The following UBXN2A variants were observed in gnomAD, a reference collection of about 807,000 sequenced individuals.
UBXN2A encodes UBX domain protein 2A, also known as UBX domain-containing protein 2A.
UBXN2A carries 28 observed loss-of-function variants against 28.4 expected under a neutral mutation model. The observed-to-expected ratio is 0.99, with a 90% CI of 0.73 to 1.35. The LOEUF (loss-of-function observed/expected upper bound fraction) is 1.35, where lower values mean the gene tolerates loss of function less well. UBXN2A is among the 40% of genes most tolerant of loss of function. The pLI is 0.00. For synonymous variants in UBXN2A, 97 were observed against 103.6 expected, an observed-to-expected ratio of 0.94 and a Z score of 0.39; for missense variants, 253 against 297.9, an observed-to-expected ratio of 0.85 and a Z score of 1.11.
intron 3 of UBXN2A, among the ~76,000 whole-genome samples, chr2:23,975,379 A>G (rs1332107187): frequency 1.3e-5 from 2 of 152,162 alleles, no homozygotes; most frequent in Non-Finnish European, 2.9e-5. Flanking sequence ...TTTTCTAACT[A>G]CATAACTGTA....
At position 23,973,122 on chromosome 2, in the gene UBXN2A, C is replaced by G. The variant is rs548923332; in HGVS notation, c.180+1708C>G. ...GCAAGCTCTGTCTCCCAGGTTCAAGCCATTCTCCTGCCTCAGCCTCCCTAA... is the reference window on the plus strand; with the variant it reads ...GCAAGCTCTGTCTCCCAGGTTCAAGGCATTCTCCTGCCTCAGCCTCCCTAA... On this transcript the variant is annotated intron_variant, in intron 3 of 6. Transcript: ENST00000309033. Among the ~76,000 whole-genome samples, 3 of 151,966 alleles carry G rather than the reference C, an allele frequency of 2.0e-5. No homozygotes were observed. In the East Asian group the frequency reaches 5.9e-4, roughly 30 times the overall value.
At position 24,004,232 on chromosome 2, in the gene UBXN2A, AC is replaced by A. The variant is rs2150932864; in HGVS notation, c.*4366del. On this transcript the variant is annotated 3_prime_UTR_variant, in exon 7 of 7. Coordinates refer to ENST00000309033, the MANE Select transcript of UBXN2A (RefSeq NM_181713.4). ...TATCAAAAGAGGTTGACTTTGGAAA[AC>A]AAACAATTTGCTAAGGGAAGGAAAA... 1 of 67,988 alleles carries A rather than the reference AC, an allele frequency of 1.5e-5. No individual in the cohort carries two copies. The highest frequency in any genetic ancestry group is 4.1e-5 in the African/African-American group (1 of 24,210). 4.2% of individuals were successfully genotyped at this position (67,988 alleles called of 1,614,324 possible).
chr2:23,943,785 C>T, intron 1 of UBXN2A: 1 of 237,284 alleles, frequency 4.2e-6, no homozygotes, highest in Non-Finnish European at 8.5e-6. Context: ...ACCACCGTGC[C>T]CAGCTAAAGG....
rs1254226755 is a variant in UBXN2A, at chr2:24,004,827, TA to T, written c.*4963del. 2 of 152,244 alleles carry T rather than the reference TA, an allele frequency of 1.3e-5. No individual in the cohort carries two copies. The highest frequency in any genetic ancestry group is 2.9e-5 in the Non-Finnish European group (2 of 68,048). 9.4% of individuals were successfully genotyped at this position (152,244 alleles called of 1,614,324 possible). ...TATGTGTGCATCTATTTCAGTGCCT[TA>T]AAGTATTTTGAGAGCAATCTTTTGC... On this transcript the variant is annotated 3_prime_UTR_variant, in exon 7 of 7. Transcript: ENST00000309033.
intron 2 of UBXN2A, among the ~76,000 whole-genome samples, chr2:23,970,315 C>G (rs1707361096): frequency 6.6e-6 from 1 of 152,086 alleles, no homozygotes; most frequent in Admixed American, 6.6e-5. Flanking sequence ...ACAAAAACAC[C>G]ACACATTTTC....
chr2:23,967,166 T>A (rs543287224), intron 2 of UBXN2A, among the ~76,000 whole-genome samples: 1 of 152,198 alleles, frequency 6.6e-6, no homozygotes, highest in African/African-American at 2.4e-5. Context: ...CTTATAAACA[T>A]AGACCGTTTC....
chr2:23,981,109 T>A (rs1214792365), intron 4 of UBXN2A, among the ~76,000 whole-genome samples: 2 of 152,024 alleles, frequency 1.3e-5, no homozygotes, highest in East Asian at 3.8e-4. Flanking sequence ...ATGTATACAG[T>A]GGTATTTATT....
In UBXN2A at chr2:23,996,065, A is replaced by ATTT. The variant is rs1019784685; in HGVS notation, c.585-3590_585-3588dup. Among the ~76,000 whole-genome samples, 793 of 114,226 alleles carry ATTT rather than the reference A, an allele frequency of 6.9e-3. 17 individuals are homozygous for ATTT. Among genetic ancestry groups the ATTT allele is most frequent in the African/African-American group, 0.021 (639 of 29,798 alleles). The allele number at this position is 114,226 out of a possible 152,430, so 74.9% of individuals were successfully genotyped here. On this transcript the variant is annotated intron_variant, in intron 6 of 6. Coordinates refer to ENST00000309033, the MANE Select transcript of UBXN2A (RefSeq NM_181713.4). ...AGGTGTGCGTCACCACGCCTGGCTAATTTTTTTTTTTTTTTTTTTGAGTCA... is the reference window on the plus strand; with the variant it reads ...AGGTGTGCGTCACCACGCCTGGCTAATTTTTTTTTTTTTTTTTTTTTTGAGTCA...
chr2:23,975,854 G>A (rs1573582450), intron 3 of UBXN2A, among the ~76,000 whole-genome samples: 1 of 152,118 alleles, frequency 6.6e-6, no homozygotes, highest in East Asian at 1.9e-4. Context: ...TTGAACTCCT[G>A]ACCTCAGGTG....
chr2:23,962,970 A>G (rs762018094), intron 2 of UBXN2A, among the ~76,000 whole-genome samples: 5 of 152,222 alleles, frequency 3.3e-5, no homozygotes, highest in Non-Finnish European at 7.3e-5. Context: ...CAATCATGGC[A>G]GAAGGCAAGG....
intron 6 of UBXN2A, among the ~76,000 whole-genome samples, chr2:23,994,382 A>G (rs1008076945): frequency 6.6e-6 from 1 of 152,096 alleles, no homozygotes; most frequent in African/African-American, 2.4e-5. Context: ...ATTGATGGAA[A>G]TGTTCTCGTA....
chr2:23,967,912 T>A (rs1379232368), intron 2 of UBXN2A, among the ~76,000 whole-genome samples: 1 of 152,002 alleles, frequency 6.6e-6, no homozygotes, highest in Non-Finnish European at 1.5e-5. Context: ...GGCATTTTAG[T>A]AACAATATAG....
Position 24,002,610 on chromosome 2 carries a change from A to G in UBXN2A, c.*2743A>G, listed in dbSNP as rs537480587. On this transcript the variant is annotated 3_prime_UTR_variant, in exon 7 of 7. Coordinates refer to ENST00000309033, the MANE Select transcript of UBXN2A (RefSeq NM_181713.4). ...TTTTTAGTAGAGACGGGGTTTCGCC[A>G]TGTTGGCCTGGCTGGCCTCTAACTC... 1 of 152,212 alleles carries G rather than the reference A, an allele frequency of 6.6e-6. No homozygotes were observed. Among genetic ancestry groups the G allele is most frequent in the South Asian group, 2.1e-4 (1 of 4,818 alleles). The allele number at this position is 152,212 out of a possible 1,614,324, so 9.4% of individuals were successfully genotyped here.
chr2:23,934,789 C>T (rs1385583694), intron 1 of UBXN2A, among the ~76,000 whole-genome samples: 1 of 151,992 alleles, frequency 6.6e-6, no homozygotes. Flanking sequence ...TATAGAAAAA[C>T]AAGGCTGGGT....
At chr2:23,969,587 T>C (rs558276545) in intron 2 of UBXN2A, among the ~76,000 whole-genome samples, 1 of 152,226 alleles carries the variant, frequency 6.6e-6, no homozygotes, top group African/African-American at 2.4e-5. Flanking sequence ...GGTCTCAATC[T>C]CTTGACTTCA....
intron 1 of UBXN2A, among the ~76,000 whole-genome samples, chr2:23,941,318 G>A (rs959912940): frequency 6.6e-6 from 1 of 152,222 alleles, no homozygotes; most frequent in Admixed American, 6.5e-5. Context: ...CTGGCCGGTT[G>A]CAGTTTGTTT....
intron 1 of UBXN2A, among the ~76,000 whole-genome samples, chr2:23,931,594 A>G (rs1015846575): frequency 1.3e-5 from 2 of 152,246 alleles, no homozygotes; most frequent in African/African-American, 4.8e-5. Context: ...CAAGATACTA[A>G]GGAATGCTCA....
intron 2 of UBXN2A, among the ~76,000 whole-genome samples, chr2:23,963,653 G>C (rs1044948383): frequency 4.6e-5 from 7 of 152,116 alleles, no homozygotes; most frequent in African/African-American, 1.7e-4. Flanking sequence ...AGCTAGTCCT[G>C]GTGAGGATAT....
At chr2:23,977,572 C>T (rs1477102398) in intron 4 of UBXN2A, among the ~76,000 whole-genome samples, 1 of 152,032 alleles carries the variant, frequency 6.6e-6, no homozygotes, top group African/African-American at 2.4e-5. Flanking sequence ...ACCCGAGAGG[C>T]GGAGGTTGCA....
Sources: gnomAD v4.1 joint callset for allele counts (sites outside exome capture counted in the v4.1 genomes callset) on GRCh38, gnomAD v4.1.1 for gene constraint, MANE v1.5 for transcripts, NCBI Gene and HGNC (gene_info 2026-07-23, HGNC 2026-07-21) for gene names.